The following PRMT9 variants were observed in gnomAD, a reference collection of about 807,000 sequenced individuals.
The protein encoded by PRMT9 is protein arginine methyltransferase 9, also known as protein arginine N-methyltransferase 9.
PRMT9 carries 59 observed loss-of-function variants against 83.2 expected under a neutral mutation model. The observed-to-expected ratio is 0.71, with a 90% CI of 0.57 to 0.88. The LOEUF is 0.88. Ranked by LOEUF, PRMT9 falls within the 40% of genes least tolerant of loss-of-function variation. The pLI, the probability that PRMT9 is intolerant of heterozygous loss-of-function variation, is 0.00. For synonymous variants in PRMT9, 333 were observed against 353.2 expected (o/e 0.94, Z 0.64); for missense variants, 947 against 1,021.9 (o/e 0.93, Z 1.00).
At position 147,654,199 on chromosome 4, in the gene PRMT9, G is replaced by T. The variant is rs1285339736; in HGVS notation, c.1698C>A (p.Ser566Arg). 1.2e-6 allele frequency: 2 copies of T among 1,614,162 alleles called. No individual in the cohort carries two copies. Among genetic ancestry groups the T allele is most frequent in the Admixed American group, 1.7e-5 (1 of 60,010 alleles). The change falls in exon 9 of 12, where the codon AGC becomes AGA. Residue 566 changes from serine to arginine, a missense_variant. By Grantham distance (110) the Ser-to-Arg change is moderately radical (BLOSUM62 -1). Transcript: ENST00000322396. ...CAGTATTACTCTGTCCAGTTCCAGA[G>T]CTCATCTCATTCTGACAGTGAGTAT... is the stretch of plus-strand genomic sequence containing the variant. ...TMDTHCQNEMSSGTGQSNTVQ... is the reference protein window; with the variant it reads ...TMDTHCQNEMRSGTGQSNTVQ...
In PRMT9 at chr4:147,670,812, G is replaced by T. The variant is rs184365843; in HGVS notation, c.744-69C>A. On this transcript the variant is annotated intron_variant, in intron 4 of 11. Transcript: ENST00000322396. ...GCTATTATATAAAGATGTCAAAGCT[G>T]AGAGGAGAAAGGAAGAGTATATTAT... 4 of 1,010,940 alleles carry T rather than the reference G, an allele frequency of 4.0e-6. No individual in the cohort carries two copies. In the African/African-American group the frequency reaches 6.4e-5, roughly 16 times the overall value. 62.6% of individuals were successfully genotyped at this position (1,010,940 alleles called of 1,614,324 possible).
chr4:147,669,964 T>A (rs117054729), intron 5 of PRMT9, among the ~76,000 whole-genome samples: 1 of 152,188 alleles, frequency 6.6e-6, no homozygotes, highest in African/African-American at 2.4e-5. Context: ...TCCCTTCTGA[T>A]AATTTGCCAA....
intron 10 of PRMT9, 88 bp downstream of exon 10, chr4:147,642,699 G>T: frequency 8.7e-7 from 1 of 1,149,950 alleles, no homozygotes; most frequent in Non-Finnish European, 1.3e-6. Context: ...TAGTCACTGT[G>T]TTTAGCTAGA....
At chr4:147,658,999 G>T (rs963953057) in intron 7 of PRMT9, among the ~76,000 whole-genome samples, 10 of 152,072 alleles carry the variant, frequency 6.6e-5, no homozygotes, top group African/African-American at 2.4e-4. Context: ...CTAACACGGT[G>T]AAACCCCGTC....
chr4:147,647,786 G>A (rs890429176), intron 9 of PRMT9, among the ~76,000 whole-genome samples: 2 of 152,190 alleles, frequency 1.3e-5, no homozygotes, highest in African/African-American at 2.4e-5. Flanking sequence ...GCCTCCCAAA[G>A]TGCTGGGATT....
chr4:147,680,254 G>T, intron 2 of PRMT9, 69 bp downstream of exon 2: 1 of 1,422,208 alleles, frequency 7.0e-7, no homozygotes, highest in Non-Finnish European at 9.9e-7. Context: ...TAAAATTACA[G>T]TATGATTTAT....
intron 6 of PRMT9, among the ~76,000 whole-genome samples, chr4:147,667,187 C>A (rs779042223): frequency 6.6e-6 from 1 of 152,100 alleles, no homozygotes; most frequent in Non-Finnish European, 1.5e-5. Flanking sequence ...ATTCTTTAAC[C>A]CAGTAATTCC....
rs186524200 is a variant in PRMT9, at chr4:147,638,415, C to A, written c.*117G>T. The A allele has an allele frequency of 6.7e-6, 5 of 747,438 alleles. No homozygotes were observed. The East Asian group carries it at 8.0e-5, about 12-fold the overall frequency. 46.3% of individuals were successfully genotyped at this position (747,438 alleles called of 1,614,324 possible). On this transcript the variant is annotated 3_prime_UTR_variant, in exon 12 of 12. Coordinates refer to ENST00000322396, the MANE Select transcript of PRMT9 (RefSeq NM_138364.4). ...CTTTTAAAATATGCTTTATTAATGT[C>A]AATTTTAAAAAATATTTGACCATTA... is the stretch of plus-strand genomic sequence containing the variant.
At chr4:147,665,136 A>AAG (rs1429306989) in intron 6 of PRMT9, among the ~76,000 whole-genome samples, 1 of 151,438 alleles carries the variant, frequency 6.6e-6, no homozygotes, top group Non-Finnish European at 1.5e-5. Flanking sequence ...AAAAAAAAAA[A>AAG]AAAAAAAGAT....
intron 1 of PRMT9, 68 bp downstream of exon 1, chr4:147,683,731 T>TTTA: frequency 2.3e-6 from 3 of 1,280,162 alleles, no homozygotes; most frequent in Non-Finnish European, 3.3e-6. Flanking sequence ...TTTTTTTTTT[T>TTTA]TCTGTTTTTT....
Position 147,683,998 on chromosome 4 carries a change from A to C in PRMT9, c.-11T>G. 6.2e-7 allele frequency: 1 copy of C among 1,612,248 alleles called. No individual in the cohort carries two copies. The highest frequency in any genetic ancestry group is 8.5e-7 in the Non-Finnish European group (1 of 1,179,444). ...CCGCGAGTTCGACATGGCAGTCACC[A>C]CTTGTATGGCCAAAGGGAAGATATT... On this transcript the variant is annotated 5_prime_UTR_variant, in exon 1 of 12. Coordinates refer to ENST00000322396, the MANE Select transcript of PRMT9 (RefSeq NM_138364.4).
intron 8 of PRMT9, among the ~76,000 whole-genome samples, chr4:147,655,700 G>T (rs1734440122): frequency 6.6e-6 from 1 of 151,824 alleles, no homozygotes; most frequent in South Asian, 2.1e-4. Flanking sequence ...TCACCATCAT[G>T]CCTGAATTTT....
chr4:147,649,604 G>A (rs914716378), intron 9 of PRMT9, among the ~76,000 whole-genome samples: 3 of 152,100 alleles, frequency 2.0e-5, no homozygotes, highest in Non-Finnish European at 2.9e-5. Context: ...CAGGGTTCAA[G>A]CGATTCTCCT....
At chr4:147,675,207 C>T (rs537002621) in intron 2 of PRMT9, among the ~76,000 whole-genome samples, 13 of 152,150 alleles carry the variant, frequency 8.5e-5, no homozygotes, top group African/African-American at 3.1e-4. Flanking sequence ...CGCAAACTCC[C>T]GACCTCAGGT....
intron 2 of PRMT9, among the ~76,000 whole-genome samples, chr4:147,674,081 T>C (rs1346185398): frequency 6.6e-6 from 1 of 152,192 alleles, no homozygotes; most frequent in South Asian, 2.1e-4. Context: ...CATTTATATA[T>C]TCCGGGAGAC....
In PRMT9 at chr4:147,680,347, T is replaced by C. The variant is rs987418222; in HGVS notation, c.314A>G (p.Asn105Ser). 9.9e-6 allele frequency: 16 copies of C among 1,613,978 alleles called. No individual in the cohort carries two copies. The highest frequency in any genetic ancestry group is 4.0e-5 in the African/African-American group (3 of 74,920). ...ELFPDDEVIC[N>S]SMGEHLFRMG... is the part of the protein sequence containing the mutation. ...CCTGAAGAGATGCTCCCCCATACTA[T>C]TGCAAATCACTTCATCATCAGGAAA... The change falls in exon 2 of 12, where the codon AAT becomes AGT. Residue 105 changes from asparagine to serine, a missense_variant. Coordinates refer to ENST00000322396, the MANE Select transcript of PRMT9 (RefSeq NM_138364.4).
Position 147,679,548 on chromosome 4 carries a change from G to C in PRMT9, c.338+775C>G, listed in dbSNP as rs543483183. ...GGATCGCTTGAGGTCAGGAGTTCGA[G>C]ACCAGCCTGGCCAACATGGTGAAAC... On this transcript the variant is annotated intron_variant, in intron 2 of 11. Coordinates refer to ENST00000322396, the MANE Select transcript of PRMT9 (RefSeq NM_138364.4). Among the ~76,000 whole-genome samples the C allele has an allele frequency of 2.0e-5, 3 of 152,180 alleles. No individual in the cohort carries two copies. In the South Asian group the frequency reaches 6.2e-4, roughly 32 times the overall value.
intron 9 of PRMT9, 145 bp downstream of exon 9, chr4:147,653,707 C>G: frequency 1.5e-6 from 1 of 657,482 alleles, no homozygotes; most frequent in Non-Finnish European, 2.6e-6. Context: ...CAAATGAAGT[C>G]ACACGTCCTG....
At chr4:147,642,728 G>A in intron 10 of PRMT9, 59 bp downstream of exon 10, 1 of 1,408,894 alleles carries the variant, frequency 7.1e-7, no homozygotes, top group Non-Finnish European at 1.0e-6. Context: ...TGACTAAAGA[G>A]AGAGCGATGG....
Sources: allele counts gnomAD v4.1 joint callset (sites outside exome capture counted in the v4.1 genomes callset), GRCh38; gene constraint gnomAD v4.1.1; transcripts MANE v1.5; gene names NCBI Gene and HGNC (gene_info 2026-07-23, HGNC 2026-07-21).